The following RYR3 variants were observed in gnomAD, a reference collection of about 807,000 sequenced individuals.
RYR3 encodes the protein brain ryanodine receptor-calcium release channel.
In RYR3, 207 loss-of-function variants were observed where a neutral mutation model predicts 584.3. The observed-to-expected ratio is 0.35, with a 90% confidence interval of 0.32 to 0.40. RYR3 has a LOEUF of 0.40. RYR3 is among the 10% of genes least tolerant of loss of function. The pLI is 1.00. For synonymous variants in RYR3, 2,416 were observed against 2,248.5 expected, an observed-to-expected ratio of 1.07 and a Z score of -2.11; for missense variants, 5,616 against 6,089.2, an observed-to-expected ratio of 0.92 and a Z score of 2.59.
chr15:33,799,110 A>T (rs2075780149), intron 67 of RYR3, among the ~76,000 whole-genome samples: 1 of 152,208 alleles, frequency 6.6e-6, no homozygotes, highest in Non-Finnish European at 1.5e-5. Context: ...TTTCGATATA[A>T]TAAATATGTA....
intron 1 of RYR3, among the ~76,000 whole-genome samples, chr15:33,369,571 CATCT>C (rs1001379753): frequency 7.9e-5 from 12 of 151,980 alleles, no homozygotes; most frequent in South Asian, 4.2e-4. Context: ...GTAATTCCTT[CATCT>C]ATCTATCTGT....
At chr15:33,547,267 G>T (rs781041941) in intron 8 of RYR3, among the ~76,000 whole-genome samples, 4 of 152,306 alleles carry the variant, frequency 2.6e-5, no homozygotes, top group South Asian at 4.2e-4. Flanking sequence ...AGGCAAGACG[G>T]AGAAAGCATA....
chr15:33,443,522 T>C (rs528180414), intron 1 of RYR3, among the ~76,000 whole-genome samples: 115 of 152,298 alleles, frequency 7.6e-4, no homozygotes, highest in African/African-American at 2.5e-3. Flanking sequence ...AACCACTCTT[T>C]CCACCCGAGA....
intron 67 of RYR3, among the ~76,000 whole-genome samples, chr15:33,789,623 T>TACA (rs1238559115): frequency 4.3e-5 from 1 of 23,350 alleles, no homozygotes; most frequent in East Asian, 4.8e-3. Context: ...CAGGTTTTAT[T>TACA]TTATATATAT....
chr15:33,533,646 T>C (rs1309547211), intron 5 of RYR3, among the ~76,000 whole-genome samples: 1 of 152,198 alleles, frequency 6.6e-6, no homozygotes, highest in Non-Finnish European at 1.5e-5. Context: ...TTAACGTTGT[T>C]AGGTATTGAA....
intron 1 of RYR3, among the ~76,000 whole-genome samples, chr15:33,405,926 C>T (rs1395533062): frequency 6.6e-6 from 1 of 152,236 alleles, no homozygotes; most frequent in Non-Finnish European, 1.5e-5. Context: ...ATAGCATCCT[C>T]ACAGGTGTAT....
At chr15:33,515,742 G>T (rs2140914363) in intron 3 of RYR3, among the ~76,000 whole-genome samples, 1 of 152,290 alleles carries the variant, frequency 6.6e-6, no homozygotes, top group African/African-American at 2.4e-5. Context: ...TTTTGCCTTA[G>T]GTTTTTGGCT....
chr15:33,521,341 T>A (rs1386577098), intron 3 of RYR3, among the ~76,000 whole-genome samples: 2 of 152,168 alleles, frequency 1.3e-5, no homozygotes, highest in Non-Finnish European at 2.9e-5. Flanking sequence ...GCTCTGGCCT[T>A]TCATCCTTTT....
rs528540398 is a variant in RYR3, at chr15:33,549,965, C to G, written c.816-195C>G. ...CAAGATCATTCCTTGTTGATGTCAT[C>G]AAGAAAGAGCACTATGCTGGGTTGT... On this transcript the variant is annotated intron_variant, in intron 9 of 103. Transcript: ENST00000634891. Among the ~76,000 whole-genome samples the G allele has an allele frequency of 2.0e-5, 3 of 152,278 alleles. No individual in the cohort carries two copies. In the South Asian group the frequency reaches 6.2e-4, roughly 32 times the overall value.
chr15:33,775,722 C>G (rs2073953048), intron 64 of RYR3, among the ~76,000 whole-genome samples: 1 of 152,178 alleles, frequency 6.6e-6, no homozygotes, highest in Admixed American at 6.5e-5. Context: ...GGCATGTATA[C>G]TTTTCCCTAC....
At chr15:33,546,624 T>A (rs2056261571) in intron 8 of RYR3, among the ~76,000 whole-genome samples, 1 of 152,202 alleles carries the variant, frequency 6.6e-6, no homozygotes, top group African/African-American at 2.4e-5. Flanking sequence ...TCTAAACATT[T>A]TAAAAAGTCC....
chr15:33,524,031 A>G (rs2054211169), intron 3 of RYR3, among the ~76,000 whole-genome samples: 1 of 152,202 alleles, frequency 6.6e-6, no homozygotes, highest in Non-Finnish European at 1.5e-5. Flanking sequence ...CGTACCCACA[A>G]GCAACTGAAG....
chr15:33,365,013 G>A (rs1975287445), intron 1 of RYR3, among the ~76,000 whole-genome samples: 1 of 152,326 alleles, frequency 6.6e-6, no homozygotes. Flanking sequence ...ACATACTGAA[G>A]ATGGACAGAG....
Position 33,821,344 on chromosome 15 carries a change from C to A in RYR3, c.10890C>A (p.Val3630=). 1 of 1,602,894 alleles carries A rather than the reference C, an allele frequency of 6.2e-7. No homozygotes were observed. Among genetic ancestry groups the A allele is most frequent in the Non-Finnish European group, 8.5e-7 (1 of 1,174,734 alleles). The part of the protein sequence containing the change: ...RLHERGAAEM[V]LQMISASKGE... Reference sequence around the variant, plus strand: ...ATGAGCGTGGTGCTGCAGAGATGGTCCTTCAGATGATAAGCGCTAGCAAAG... The same window carrying A: ...ATGAGCGTGGTGCTGCAGAGATGGTACTTCAGATGATAAGCGCTAGCAAAG... Residue 3630 remains valine (V), a synonymous_variant, in exon 79 of 104, where the codon GTC becomes GTA. Transcript: ENST00000634891.
chr15:33,375,904 A>G (rs916454503), intron 1 of RYR3, among the ~76,000 whole-genome samples: 1 of 152,134 alleles, frequency 6.6e-6, no homozygotes, highest in Non-Finnish European at 1.5e-5. Flanking sequence ...CTCTACTAAA[A>G]ATACAAAAAA....
intron 1 of RYR3, among the ~76,000 whole-genome samples, chr15:33,438,600 C>A (rs750025426): frequency 6.6e-6 from 1 of 152,162 alleles, no homozygotes; most frequent in Non-Finnish European, 1.5e-5. Flanking sequence ...TATCAAGTTA[C>A]ACACACATGT....
At chr15:33,760,457 G>A (rs1169866770) in intron 60 of RYR3, among the ~76,000 whole-genome samples, 1 of 152,188 alleles carries the variant, frequency 6.6e-6, no homozygotes, top group Non-Finnish European at 1.5e-5. Flanking sequence ...TACAATCCTA[G>A]TCTCTGATAA....
chr15:33,645,499 TTC>T (rs2062051300), intron 28 of RYR3, among the ~76,000 whole-genome samples: 1 of 152,176 alleles, frequency 6.6e-6, no homozygotes, highest in Non-Finnish European at 1.5e-5. Context: ...GTAGAGACTT[TTC>T]TCTCTCTGAT....
chr15:33,365,188 G>A (rs1198647129), intron 1 of RYR3, among the ~76,000 whole-genome samples: 3 of 152,192 alleles, frequency 2.0e-5, no homozygotes, highest in Non-Finnish European at 4.4e-5. Flanking sequence ...GGACAGACTG[G>A]ATAACCCTCC....
Sources: gnomAD v4.1 joint callset for allele counts (sites outside exome capture counted in the v4.1 genomes callset) on GRCh38, gnomAD v4.1.1 for gene constraint, MANE v1.5 for transcripts, NCBI Gene and HGNC (gene_info 2026-07-23, HGNC 2026-07-21) for gene names.